The following CEP152 variants were observed in gnomAD, a reference collection of about 807,000 sequenced individuals.
The protein encoded by CEP152 is centrosomal protein 152.
CEP152 carries 132 observed loss-of-function variants against 188.9 expected under a neutral mutation model. The ratio of observed to expected loss-of-function variants is 0.70; its 90% CI spans 0.61 to 0.81. The LOEUF is 0.81. Among genes scored for constraint, CEP152 ranks in the 30% least tolerant of loss-of-function variants. The pLI, the probability that CEP152 is intolerant of heterozygous loss-of-function variation, is 0.00. For missense variants in CEP152, 1,914 were observed against 1,969.8 expected, an observed-to-expected ratio of 0.97 and a Z score of 0.54; for synonymous variants, 649 against 666.6, an observed-to-expected ratio of 0.97 and a Z score of 0.41.
At chr15:48,756,899 T>C (rs1894319641) in intron 19 of CEP152, among the ~76,000 whole-genome samples, 1 of 152,204 alleles carries the variant, frequency 6.6e-6, no homozygotes, top group Non-Finnish European at 1.5e-5. Context: ...AAGTATCTTT[T>C]ACCTAAAGCA....
At chr15:48,772,780 A>C (rs559879799) in intron 12 of CEP152, 89 bp from the exon 13 acceptor site, 2 of 1,092,908 alleles carry the variant, frequency 1.8e-6, no homozygotes, top group Non-Finnish European at 2.8e-6. Context: ...AGTGGTGAAC[A>C]TGTTTTGTCA....
At chr15:48,787,553 G>T (rs989315918) in intron 9 of CEP152, among the ~76,000 whole-genome samples, 5 of 151,660 alleles carry the variant, frequency 3.3e-5, no homozygotes, top group Non-Finnish European at 7.4e-5. Flanking sequence ...TAATGAAATA[G>T]ATATAATAAA....
In CEP152 at chr15:48,752,619, T is replaced by C. The variant is rs2306188; in HGVS notation, c.3346-150A>G. 1,867 of 1,361,570 alleles carry C rather than the reference T, an allele frequency of 1.4e-3. 46 individuals carry two copies. The East Asian group carries it at 0.043, about 31-fold the overall frequency. The allele number at this position is 1,361,570 out of a possible 1,614,324, so 84.3% of individuals were successfully genotyped here. A position where few individuals can be genotyped will look rare whatever the true frequency, so the allele number is the denominator to read the frequency against. On this transcript the variant is annotated intron_variant, in intron 20 of 26. Transcript: ENST00000380950. ...TATCGCCAATATTTTTCTTAGGGTGTTATATAAGTACTGTCACTGTACTAG... is the reference window on the plus strand; with the variant it reads ...TATCGCCAATATTTTTCTTAGGGTGCTATATAAGTACTGTCACTGTACTAG...
chr15:48,772,960 C>T (rs1217968179), intron 12 of CEP152, among the ~76,000 whole-genome samples: 1 of 152,174 alleles, frequency 6.6e-6, no homozygotes, highest in Non-Finnish European at 1.5e-5. Flanking sequence ...TGAACTTTGA[C>T]ATAATTTACA....
intron 7 of CEP152, among the ~76,000 whole-genome samples, chr15:48,792,820 CTTT>C (rs750579289): frequency 2.1e-5 from 3 of 142,542 alleles, no homozygotes; most frequent in Admixed American, 7.0e-5. Context: ...AATAGAGTGT[CTTT>C]TTTTTTTTTT....
chr15:48,775,272 A>G (rs1031964084), intron 12 of CEP152, among the ~76,000 whole-genome samples: 37 of 151,976 alleles, frequency 2.4e-4, no homozygotes, highest in African/African-American at 8.9e-4. Flanking sequence ...ATTTGGTAAA[A>G]GACATAATAA....
At chr15:48,731,517 C>A (rs1278907224) in intron 2 of CEP152, among the ~76,000 whole-genome samples, 1 of 152,106 alleles carries the variant, frequency 6.6e-6, no homozygotes, top group Non-Finnish European at 1.5e-5. Flanking sequence ...CTTCCTTACA[C>A]CTTATACAAA....
rs1895271765 is a variant in CEP152 at position 48,768,245 on chromosome 15, G to A, written c.1992C>T (p.Asp664=). ...TATCCACAGCTTCTTGTTTGTCATG[G>A]TCAAAATCTTGTACCATTTGTCTCA... ...NQMRQMVQDF[D]HDKQEAVDRC... The change falls in exon 15 of 27, where the codon GAC becomes GAT. Residue 664 remains aspartate (D), a synonymous_variant. Transcript: ENST00000380950. The A allele has an allele frequency of 6.2e-7, 1 of 1,610,740 alleles. No homozygotes were observed. The highest frequency in any genetic ancestry group is 8.5e-7 in the Non-Finnish European group (1 of 1,176,966).
Position 48,739,284 on chromosome 15 carries a change from C to G in CEP152, c.4098G>C (p.Leu1366=), listed in dbSNP as rs1892793516. The change falls in exon 27 of 27, where the codon CTG becomes CTC. Residue 1366 remains leucine, a synonymous_variant. Transcript: ENST00000380950. Reference sequence around the variant, plus strand: ...CAATCAGCATCTCTGAAGTTAGGGGCAGTGCTATTATGTGCAAGGAAACAC... The same window carrying G: ...CAATCAGCATCTCTGAAGTTAGGGGGAGTGCTATTATGTGCAAGGAAACAC... ...KSQSKTTQSA[L]PLTSEMLIAV... is the part of the protein sequence containing the mutation. The G allele has an allele frequency of 1.9e-6, 3 of 1,612,602 alleles. No individual in the cohort carries two copies. Among genetic ancestry groups the G allele is most frequent in the African/African-American group, 1.3e-5 (1 of 74,834 alleles).
chr15:48,748,667 T>TA (rs34352957), intron 21 of CEP152, 57 bp from the exon 22 acceptor site: 2,553 of 1,068,012 alleles, frequency 2.4e-3, no homozygotes, highest in Middle Eastern at 3.7e-3. Context: ...GAACTATCAT[T>TA]AAAAAAAAAA....
At chr15:48,737,026 C>T (rs1434013081), downstream of CEP152, among the ~76,000 whole-genome samples, 1 of 152,168 alleles carries the variant, frequency 6.6e-6, no homozygotes, top group Non-Finnish European at 1.5e-5. Flanking sequence ...TTGTTCCTTA[C>T]TATAGCTGTA....
intron 17 of CEP152, among the ~76,000 whole-genome samples, chr15:48,764,764 C>T (rs779450960): frequency 6.6e-6 from 1 of 152,176 alleles, no homozygotes; most frequent in African/African-American, 2.4e-5. Context: ...ATTTAACCTG[C>T]AACCTGACTC....
chr15:48,750,122 T>C (rs977549628), intron 21 of CEP152, among the ~76,000 whole-genome samples: 1 of 152,008 alleles, frequency 6.6e-6, no homozygotes, highest in East Asian at 1.9e-4. Flanking sequence ...CATTAAAGGG[T>C]ATGTGAATGT....
chr15:48,785,992 T>G (rs1473192054), intron 9 of CEP152, among the ~76,000 whole-genome samples: 1 of 151,526 alleles, frequency 6.6e-6, no homozygotes, highest in East Asian at 1.9e-4. Flanking sequence ...TGGACAGGGT[T>G]CTAGCACACA....
At chr15:48,732,776 G>A (rs370059083) in intron 2 of CEP152, among the ~76,000 whole-genome samples, 6 of 151,502 alleles carry the variant, frequency 4.0e-5, no homozygotes, top group African/African-American at 1.5e-4. Flanking sequence ...AAACACATTT[G>A]TAATAGCTGC....
chr15:48,791,505 A>T (rs553312242), intron 7 of CEP152, 129 bp from the exon 8 acceptor site: 1 of 829,576 alleles, frequency 1.2e-6, no homozygotes, highest in African/African-American at 1.7e-5. Context: ...AGAAAAATGA[A>T]CTTTAGTTGA....
chr15:48,760,115 C>A lies in CEP152; in HGVS notation c.2694+20G>T. On this transcript the variant is annotated intron_variant, in intron 19 of 26. Transcript: ENST00000380950. ...CAGGTAAGACAGCCTCCTGAAGTGT[C>A]TTTGCAGAAGAGCTCTTACCCTTTT... 6.2e-7 allele frequency: 1 copy of A among 1,613,788 alleles called. No individual in the cohort carries two copies. The highest frequency in any genetic ancestry group is 8.5e-7 in the Non-Finnish European group (1 of 1,179,816).
chr15:48,745,122 C>A, intron 22 of CEP152, 130 bp from the exon 23 acceptor site: 1 of 609,414 alleles, frequency 1.6e-6, no homozygotes, highest in Non-Finnish European at 2.7e-6. Context: ...TAACGTTCAT[C>A]CCCTTAGAAA....
rs140015676 is a variant in CEP152 at position 48,764,992 on chromosome 15, T to TA, written c.2280+2067dup. The stretch of plus-strand genomic sequence containing the variant: ...TCCCATGTATGTGAAACATTTCCTT[T>TA]AAAAAAAAAAAAAAGGTGTATTTTT... On this transcript the variant is annotated intron_variant, in intron 17 of 26. Transcript: ENST00000380950. Among the ~76,000 whole-genome samples, 966 of 140,884 alleles carry TA rather than the reference T, an allele frequency of 6.9e-3. 7 individuals are homozygous for TA. The highest frequency in any genetic ancestry group is 0.021 in the African/African-American group (796 of 38,368). 92.4% of individuals were successfully genotyped at this position (140,884 alleles called of 152,430 possible).
Sources: allele counts gnomAD v4.1 joint callset (sites outside exome capture counted in the v4.1 genomes callset), GRCh38; gene constraint gnomAD v4.1.1; transcripts MANE v1.5; gene names NCBI Gene and HGNC (gene_info 2026-07-23, HGNC 2026-07-21).